RNF144B: variants seen among roughly 807,000 people sequenced by gnomAD.
RNF144B encodes E3 ubiquitin-protein ligase RNF144B.
A neutral mutation model predicts 40.2 loss-of-function variants in RNF144B; 25 were observed. That is an observed-to-expected ratio of 0.62 (90% CI 0.45 to 0.87). The LOEUF (loss-of-function observed/expected upper bound fraction) is 0.87, where lower values mean the gene tolerates loss of function less well. RNF144B is among the 40% of genes least tolerant of loss of function. The pLI is 0.00. For synonymous variants in RNF144B, 145 were observed against 136.3 expected (o/e 1.06, Z -0.44); for missense variants, 365 against 373.7 (o/e 0.98, Z 0.19).
In RNF144B at chr6:18,459,608, G is replaced by A. The variant is rs1314762274; in HGVS notation, c.538G>A (p.Ala180Thr). The change falls in exon 6 of 8, where the codon GCC (alanine) becomes ACC (threonine). Residue 180 changes from alanine to threonine, a missense_variant and splice_region_variant. Transcript: ENST00000259939. This position sits in a 1 kb window ranked among gnomAD's most constrained non-coding sequence, Gnocchi z 4.2. ...QPIVLPTEHR[A>T]LFGTDAEAPI... ...ATTTCTCATCCATTTTGTTTCTAGAGCCCTCTTTGGGACAGATGCAGAAGC... is the reference window on the plus strand; with the variant it reads ...ATTTCTCATCCATTTTGTTTCTAGAACCCTCTTTGGGACAGATGCAGAAGC... 1 of 1,612,738 alleles carries A rather than the reference G, an allele frequency of 6.2e-7. No individual in the cohort carries two copies. Among genetic ancestry groups the A allele is most frequent in the Non-Finnish European group, 8.5e-7 (1 of 1,179,092 alleles).
chr6:18,438,712 A>G (rs1455934424), intron 3 of RNF144B, among the ~76,000 whole-genome samples: 1 of 152,150 alleles, frequency 6.6e-6, no homozygotes, highest in African/African-American at 2.4e-5. Context: ...CTTAGTTGCA[A>G]GAACGTCAAT....
intron 2 of RNF144B, among the ~76,000 whole-genome samples, chr6:18,403,725 T>C (rs1369832103): frequency 6.6e-6 from 1 of 152,178 alleles, no homozygotes; most frequent in South Asian, 2.1e-4. Context: ...AGGTAATTTA[T>C]AAAGAAAAGA....
Position 18,431,978 on chromosome 6 carries a change from G to A in RNF144B, c.270+4293G>A, listed in dbSNP as rs192168327. On this transcript the variant is annotated intron_variant, in intron 3 of 7. Transcript: ENST00000259939. ...AGTACAATTGAACCTCAGTGTCCAT[G>A]GGTTCTGCATTTGGGGATTCAACTG... Among the ~76,000 whole-genome samples the A allele has an allele frequency of 1.4e-4, 21 of 152,226 alleles. No homozygotes were observed. The East Asian group carries it at 3.9e-3, about 28-fold the overall frequency.
chr6:18,387,686 G>C (rs1424174574), intron 1 of RNF144B, 56 bp downstream of exon 1: 1 of 1,260,690 alleles, frequency 7.9e-7, no homozygotes, highest in Admixed American at 2.5e-5. Context: ...GAATGGTGTT[G>C]CTGGACTAAG....
chr6:18,455,507 A>T (rs1759304558), intron 4 of RNF144B, among the ~76,000 whole-genome samples: 1 of 152,110 alleles, frequency 6.6e-6, no homozygotes, highest in Non-Finnish European at 1.5e-5. Flanking sequence ...TTCTTTTTGC[A>T]CCATCCTTTG....
chr6:18,429,234 G>A (rs1758637065), intron 3 of RNF144B, among the ~76,000 whole-genome samples: 1 of 152,010 alleles, frequency 6.6e-6, no homozygotes, highest in Non-Finnish European at 1.5e-5. Flanking sequence ...GAACTAGGTA[G>A]GTAGATAGAA....
rs1056599057 is a variant in RNF144B, at chr6:18,442,982, G to A, written c.331+3238G>A. Reference sequence around the variant, plus strand: ...CCACCTTTTGGCTACTGTAAGTAATGCTGCTGTGAACACTGGGGTATAATC... The same window carrying A: ...CCACCTTTTGGCTACTGTAAGTAATACTGCTGTGAACACTGGGGTATAATC... On this transcript the variant is annotated intron_variant, in intron 4 of 7. Transcript: ENST00000259939. This position sits in a 1 kb window ranked among gnomAD's most constrained non-coding sequence, Gnocchi z 4.3. Among the ~76,000 whole-genome samples, 7 of 152,148 alleles carry A rather than the reference G, an allele frequency of 4.6e-5. No homozygotes were observed. Among genetic ancestry groups the A allele is most frequent in the Admixed American group, 2.0e-4 (3 of 15,272 alleles).
At chr6:18,462,711 A>G (rs1759484408) in intron 6 of RNF144B, among the ~76,000 whole-genome samples, 1 of 151,674 alleles carries the variant, frequency 6.6e-6, no homozygotes, top group Non-Finnish European at 1.5e-5. Context: ...CCTTTTGAAC[A>G]GCCCTGCTTG....
intron 2 of RNF144B, among the ~76,000 whole-genome samples, chr6:18,421,270 TTA>T (rs774330906): frequency 0.011 from 905 of 80,342 alleles, 9 homozygotes; most frequent in Middle Eastern, 0.059. Flanking sequence ...AAATTATATA[TTA>T]TACACACACA....
Position 18,400,360 on chromosome 6 carries a change from T to C in RNF144B, c.165+661T>C, listed in dbSNP as rs1562040592. ...TATTTTAAATGATGGAGAAGTCAGGTAGTAATTTACTTTATGTACTGAATT... is the reference window on the plus strand; with the variant it reads ...TATTTTAAATGATGGAGAAGTCAGGCAGTAATTTACTTTATGTACTGAATT... On this transcript the variant is annotated intron_variant, in intron 2 of 7. Coordinates refer to ENST00000259939, the MANE Select transcript of RNF144B (RefSeq NM_182757.4). The surrounding 1 kb of genome is among the most constrained non-coding windows in gnomAD (Gnocchi z 5.6). Among the ~76,000 whole-genome samples, 1 of 152,184 alleles carries C rather than the reference T, an allele frequency of 6.6e-6. No individual in the cohort carries two copies. The highest frequency in any genetic ancestry group is 1.5e-5 in the Non-Finnish European group (1 of 68,032).
At chr6:18,387,854 A>G (rs963783175) in intron 1 of RNF144B, among the ~76,000 whole-genome samples, 4 of 152,364 alleles carry the variant, frequency 2.6e-5, no homozygotes, top group Non-Finnish European at 5.9e-5. Flanking sequence ...CATTTCTAAT[A>G]AAACAGTTTC....
At chr6:18,417,669 G>C (rs967458457) in intron 2 of RNF144B, among the ~76,000 whole-genome samples, 1 of 152,064 alleles carries the variant, frequency 6.6e-6, no homozygotes, top group African/African-American at 2.4e-5. Context: ...ATGATCTTGG[G>C]TTAGGCAAGA....
Position 18,462,001 on chromosome 6 carries a change from T to C in RNF144B, c.682-1290T>C, listed in dbSNP as rs550657856. 2.6e-5 allele frequency among the ~76,000 whole-genome samples: 4 copies of C among 152,344 alleles called. No individual in the cohort carries two copies. In the East Asian group the frequency reaches 7.7e-4, roughly 29 times the overall value. On this transcript the variant is annotated intron_variant, in intron 6 of 7. Coordinates refer to ENST00000259939, the MANE Select transcript of RNF144B (RefSeq NM_182757.4). The stretch of plus-strand genomic sequence containing the variant: ...ATTCCTGTCCATAGCCTTAGAGACT[T>C]GAGCTGTTCAGTTATCTCTTTCCTC...
rs975682244 is a variant in RNF144B at position 18,456,209 on chromosome 6, A to G, written c.332-946A>G. ...AGTGCTGGGATTACAGGCGTGAGCC[A>G]CAGTGCCCGGCCCACATGTGGGTCT... On this transcript the variant is annotated intron_variant, in intron 4 of 7. Coordinates refer to ENST00000259939, the MANE Select transcript of RNF144B (RefSeq NM_182757.4). The surrounding 1 kb of genome is among the most constrained non-coding windows in gnomAD (Gnocchi z 4.7). Among the ~76,000 whole-genome samples the G allele has an allele frequency of 6.6e-6, 1 of 152,234 alleles. No homozygotes were observed. The highest frequency in any genetic ancestry group is 2.4e-5 in the African/African-American group (1 of 41,466).
At chr6:18,462,137 C>CT in intron 6 of RNF144B, among the ~76,000 whole-genome samples, 1 of 152,228 alleles carries the variant, frequency 6.6e-6, no homozygotes, top group Non-Finnish European at 1.5e-5. Flanking sequence ...CTTTTCCTTA[C>CT]TACCCCTCTA....
chr6:18,416,590 A>G lies in RNF144B; in HGVS notation c.166-10991A>G, dbSNP rs1795153042. On this transcript the variant is annotated intron_variant, in intron 2 of 7. Transcript: ENST00000259939. The surrounding 1 kb of genome is among the most constrained non-coding windows in gnomAD (Gnocchi z 5.5). The stretch of plus-strand genomic sequence containing the variant: ...CTCCCATATTGAATGACTGTCCTCA[A>G]ACTTACAAGGTGGATCTTAGTAATC... 1.3e-5 allele frequency among the ~76,000 whole-genome samples: 2 copies of G among 152,246 alleles called. No individual in the cohort carries two copies. The highest frequency in any genetic ancestry group is 2.9e-5 in the Non-Finnish European group (2 of 68,044).
Position 18,400,870 on chromosome 6 carries a change from G to GCT in RNF144B, c.165+1172_165+1173dup. ...GGTAGGGGGATCAGAAGTAGGCCTT[G>GCT]CTGAGGAGTGATGTTTGTGCTGCCT... is the stretch of plus-strand genomic sequence containing the variant. On this transcript the variant is annotated intron_variant, in intron 2 of 7. Coordinates refer to ENST00000259939, the MANE Select transcript of RNF144B (RefSeq NM_182757.4). This position sits in a 1 kb window ranked among gnomAD's most constrained non-coding sequence, Gnocchi z 5.6. 6.6e-6 allele frequency among the ~76,000 whole-genome samples: 1 copy of GCT among 152,268 alleles called. No individual in the cohort carries two copies. The highest frequency in any genetic ancestry group is 1.5e-5 in the Non-Finnish European group (1 of 68,016).
rs200409748 is a variant in RNF144B, at chr6:18,457,125, A to G, written c.332-30A>G. ...AAAGACTCAAACATGAATCGGGCAGACCATCACATTTTCTTTCTTTACACT... is the reference window on the plus strand; with the variant it reads ...AAAGACTCAAACATGAATCGGGCAGGCCATCACATTTTCTTTCTTTACACT... On this transcript the variant is annotated intron_variant, in intron 4 of 7. Transcript: ENST00000259939. The surrounding 1 kb of genome is among the most constrained non-coding windows in gnomAD (Gnocchi z 5.1). 45 of 1,506,042 alleles carry G rather than the reference A, an allele frequency of 3.0e-5. No individual in the cohort carries two copies. In the African/African-American group the frequency reaches 3.7e-4, roughly 12 times the overall value. The allele number at this position is 1,506,042 out of a possible 1,614,324, so 93.3% of individuals were successfully genotyped here.
rs1331466163 is a variant in RNF144B, at chr6:18,425,281, C to T, written c.166-2300C>T. Among the ~76,000 whole-genome samples the T allele has an allele frequency of 1.3e-5, 2 of 152,158 alleles. No homozygotes were observed. The highest frequency in any genetic ancestry group is 2.4e-5 in the African/African-American group (1 of 41,432). On this transcript the variant is annotated intron_variant, in intron 2 of 7. Coordinates refer to ENST00000259939, the MANE Select transcript of RNF144B (RefSeq NM_182757.4). This position sits in a 1 kb window ranked among gnomAD's most constrained non-coding sequence, Gnocchi z 4.2. ...CCTTGAGCCTGGAGACTATATCTTTCAGTCTTTTTACTTAAATTTCTTTAA... is the reference window on the plus strand; with the variant it reads ...CCTTGAGCCTGGAGACTATATCTTTTAGTCTTTTTACTTAAATTTCTTTAA...
Sources: allele counts gnomAD v4.1 joint callset (sites outside exome capture counted in the v4.1 genomes callset), GRCh38; gene constraint gnomAD v4.1.1; non-coding constraint Gnocchi (gnomAD v3.1); transcripts MANE v1.5; gene names NCBI Gene and HGNC (gene_info 2026-07-23, HGNC 2026-07-21).